The following JMY variants were observed in gnomAD, a reference collection of about 807,000 sequenced individuals.
JMY encodes the protein junction mediating and regulatory protein, p53 cofactor.
JMY carries 46 observed loss-of-function variants against 103.3 expected under a neutral mutation model. The ratio of observed to expected loss-of-function variants is 0.45; its 90% CI spans 0.35 to 0.57. The LOEUF is 0.57. JMY is among the 20% of genes least tolerant of loss of function. The pLI is 0.00. For missense variants in JMY, 1,238 were observed against 1,255.2 expected (o/e 0.99, Z 0.21); for synonymous variants, 526 against 489.3 (o/e 1.07, Z -0.99).
intron 1 of JMY, among the ~76,000 whole-genome samples, chr5:79,275,280 C>T (rs1320967885): frequency 1.3e-5 from 2 of 152,010 alleles, no homozygotes; most frequent in Non-Finnish European, 2.9e-5. Context: ...CCTGCCTCAG[C>T]CTCCCGAGCA....
At chr5:79,303,507 C>T (rs935800671) in intron 6 of JMY, among the ~76,000 whole-genome samples, 2 of 152,156 alleles carry the variant, frequency 1.3e-5, no homozygotes, top group Non-Finnish European at 2.9e-5. Flanking sequence ...GGAAGCAAAA[C>T]GTTCTTGGCT....
intron 4 of JMY, among the ~76,000 whole-genome samples, chr5:79,292,458 C>T (rs560571375): frequency 6.6e-6 from 1 of 151,934 alleles, no homozygotes; most frequent in Admixed American, 6.6e-5. Context: ...GGCACGCACC[C>T]CCCCCAACAC....
At chr5:79,271,860 G>A (rs187855824) in intron 1 of JMY, among the ~76,000 whole-genome samples, 159 of 152,260 alleles carry the variant, frequency 1.0e-3, no homozygotes, top group Non-Finnish European at 1.7e-3. Flanking sequence ...GTAATCCTAA[G>A]TGCTTTGGGA....
intron 7 of JMY, among the ~76,000 whole-genome samples, chr5:79,308,680 A>G (rs981688786): frequency 1.3e-5 from 2 of 152,112 alleles, no homozygotes; most frequent in African/African-American, 4.8e-5. Context: ...GGATGACCTA[A>G]TATCTTTTTT....
At chr5:79,276,253 G>C (rs112388761) in intron 1 of JMY, among the ~76,000 whole-genome samples, 6 of 151,926 alleles carry the variant, frequency 3.9e-5, no homozygotes, top group African/African-American at 1.2e-4. Flanking sequence ...CAAGGAGCTG[G>C]GATTATGGGT....
At chr5:79,316,955 T>C (rs953499908) in intron 10 of JMY, among the ~76,000 whole-genome samples, 2 of 148,750 alleles carry the variant, frequency 1.3e-5, no homozygotes, top group African/African-American at 5.0e-5. Flanking sequence ...GCTTCTGTAG[T>C]CCCAGTTACT....
chr5:79,314,945 AT>A, intron 9 of JMY, 94 bp downstream of exon 9: 2 of 1,140,950 alleles, frequency 1.8e-6, no homozygotes, highest in Non-Finnish European at 2.4e-6. Context: ...AAAACACTTT[AT>A]TTTTGACATT....
At chr5:79,284,873 C>T (rs982736340) in intron 2 of JMY, 7 of 1,569,232 alleles carry the variant, frequency 4.5e-6, no homozygotes, top group Non-Finnish European at 5.2e-6. Context: ...TTCTTGGCCC[C>T]CTTTTTGCTG....
chr5:79,318,804 G>GAGAGAGA (rs1580377765), intron 10 of JMY, among the ~76,000 whole-genome samples: 3 of 15,608 alleles, frequency 1.9e-4, no homozygotes, highest in African/African-American at 1.1e-3. Context: ...AGAGAGAGAG[G>GAGAGAGA]GATGCATATC....
chr5:79,305,577 T>C (rs1451897005), intron 6 of JMY, among the ~76,000 whole-genome samples: 2 of 152,238 alleles, frequency 1.3e-5, no homozygotes, highest in Non-Finnish European at 2.9e-5. Flanking sequence ...AGCTTGGTAC[T>C]GGTAAAAAGT....
intron 1 of JMY, among the ~76,000 whole-genome samples, chr5:79,244,710 A>G (rs1744837435): frequency 1.3e-5 from 2 of 150,458 alleles, no homozygotes; most frequent in South Asian, 4.2e-4. Context: ...TTCACTCTCT[A>G]AAAGGCCAGG....
At chr5:79,304,751 A>G (rs1390493303) in intron 6 of JMY, among the ~76,000 whole-genome samples, 1 of 152,208 alleles carries the variant, frequency 6.6e-6, no homozygotes, top group East Asian at 1.9e-4. Context: ...ATTAGGATAT[A>G]TATGGTATAT....
In JMY at chr5:79,259,243, C is replaced by T. The variant is rs139826386; in HGVS notation, c.1033-18667C>T. On this transcript the variant is annotated intron_variant, in intron 1 of 10. Coordinates refer to ENST00000396137, the MANE Select transcript of JMY (RefSeq NM_152405.5). Reference sequence around the variant, plus strand: ...TCTCTCCAGCTGGCTATCTGGTCGTCTCTTCAGCCCTCAGCAGAGAGGAGA... The same window carrying T: ...TCTCTCCAGCTGGCTATCTGGTCGTTTCTTCAGCCCTCAGCAGAGAGGAGA... 1.7e-3 allele frequency among the ~76,000 whole-genome samples: 257 copies of T among 152,272 alleles called. 3 individuals carry two copies. In the East Asian group the frequency reaches 0.025, roughly 15 times the overall value.
intron 9 of JMY, 55 bp from the exon 10 acceptor site, chr5:79,315,945 C>A (rs1342850189): frequency 4.1e-6 from 6 of 1,469,336 alleles, no homozygotes; most frequent in Middle Eastern, 1.8e-4. Context: ...TATACAGTTT[C>A]ATTCTAATTA....
intron 2 of JMY, among the ~76,000 whole-genome samples, chr5:79,278,611 A>G (rs1746017621): frequency 6.7e-6 from 1 of 148,206 alleles, no homozygotes; most frequent in African/African-American, 2.5e-5. Flanking sequence ...AAAAAAAAAA[A>G]AATCAAACTA....
At chr5:79,269,700 A>T (rs1031564927) in intron 1 of JMY, among the ~76,000 whole-genome samples, 2 of 151,646 alleles carry the variant, frequency 1.3e-5, no homozygotes, top group Non-Finnish European at 2.9e-5. Context: ...AACATTTGGA[A>T]TTTTTTTTGA....
At chr5:79,289,737 T>TA (rs1210234446) in intron 2 of JMY, among the ~76,000 whole-genome samples, 1 of 151,828 alleles carries the variant, frequency 6.6e-6, no homozygotes, top group Non-Finnish European at 1.5e-5. Context: ...AATTGTTTTA[T>TA]ATAGTGGCTG....
At chr5:79,300,511 T>C (rs896533255) in intron 5 of JMY, among the ~76,000 whole-genome samples, 165 bp from the exon 6 acceptor site, 1 of 152,172 alleles carries the variant, frequency 6.6e-6, no homozygotes, top group East Asian at 1.9e-4. Flanking sequence ...TTTGCATACA[T>C]TCACTCTATG....
chr5:79,264,001 G>A (rs1315168013), intron 1 of JMY, among the ~76,000 whole-genome samples: 2 of 152,012 alleles, frequency 1.3e-5, no homozygotes, highest in East Asian at 3.9e-4. Flanking sequence ...TGGCCAGGCT[G>A]GTCTCAAACT....
Sources: gnomAD v4.1 joint callset for allele counts (sites outside exome capture counted in the v4.1 genomes callset) on GRCh38, gnomAD v4.1.1 for gene constraint, MANE v1.5 for transcripts, NCBI Gene and HGNC (gene_info 2026-07-23, HGNC 2026-07-21) for gene names.